The following ZNF254 variants were observed in gnomAD, a reference collection of about 807,000 sequenced individuals.
The protein encoded by ZNF254 is zinc finger protein 254, also known as CTD-2017D11.1.
Under a neutral mutation model 12.4 loss-of-function variants are expected in ZNF254, and 10 were observed. That is an observed-to-expected ratio of 0.80 (90% CI 0.50 to 1.36). The LOEUF (loss-of-function observed/expected upper bound fraction) is 1.36, where lower values mean the gene tolerates loss of function less well. ZNF254 is among the 40% of genes most tolerant of loss of function. The probability of loss-of-function intolerance (pLI) is 0.00; values close to 1 mark genes in which losing one functional copy is unlikely to be tolerated. For synonymous variants in ZNF254, 305 were observed against 253.4 expected, an observed-to-expected ratio of 1.20 and a Z score of -1.93; for missense variants, 996 against 763.9, an observed-to-expected ratio of 1.30 and a Z score of -3.58.
chr19:24,108,916 G>T (rs1002719607), intron 3 of ZNF254, among the ~76,000 whole-genome samples: 1 of 152,212 alleles, frequency 6.6e-6, no homozygotes, highest in Non-Finnish European at 1.5e-5. Flanking sequence ...TGCACTTTGG[G>T]AGGCTGAGGT....
chr19:24,122,245 G>T (rs1370181792), intron 3 of ZNF254, among the ~76,000 whole-genome samples: 1 of 150,798 alleles, frequency 6.6e-6, no homozygotes, highest in Non-Finnish European at 1.5e-5. Flanking sequence ...TCTTTTTTGA[G>T]GTGGAGTCTT....
At chr19:24,049,214 A>ATATATATATATATATT (rs1160333151) in intron 2 of ZNF254, among the ~76,000 whole-genome samples, 2 of 40,868 alleles carry the variant, frequency 4.9e-5, no homozygotes, top group Non-Finnish European at 8.2e-5. Flanking sequence ...ATATATATAT[A>ATATATATATATATATT]TTTTTTTTTT....
chr19:24,099,986 T>A (rs773696742), intron 1 of ZNF254, among the ~76,000 whole-genome samples: 5 of 152,222 alleles, frequency 3.3e-5, no homozygotes, highest in Admixed American at 6.5e-5. Flanking sequence ...CTTTCCCTCT[T>A]AGTCTTCCAG....
intron 2 of ZNF254, among the ~76,000 whole-genome samples, chr19:24,051,709 G>A (rs1373396062): frequency 6.6e-6 from 1 of 152,078 alleles, no homozygotes; most frequent in Admixed American, 6.6e-5. Context: ...TGCCCATAGG[G>A]GTATTATGAA....
chr19:24,103,403 C>T (rs185356559), intron 1 of ZNF254, among the ~76,000 whole-genome samples: 3 of 152,212 alleles, frequency 2.0e-5, no homozygotes, highest in Admixed American at 6.5e-5. Context: ...TTTTACAAAG[C>T]GATTCATAAG....
Position 24,126,475 on chromosome 19 carries a change from T to C in ZNF254, c.475T>C (p.Tyr159His). 1 of 1,588,012 alleles carries C rather than the reference T, an allele frequency of 6.3e-7. No homozygotes were observed. The highest frequency in any genetic ancestry group is 8.5e-7 in the Non-Finnish European group (1 of 1,171,698). ...AQSKVFQCDK[Y>H]LKVFYKFLNS... The stretch of plus-strand genomic sequence containing the variant: ...GAGCAAAGTATTTCAATGTGATAAA[T>C]ATTTGAAAGTCTTCTATAAATTTTT... The change falls in exon 4 of 4, where the codon TAT (tyrosine) becomes CAT (histidine). Residue 159 changes from tyrosine (Y) to histidine (H), a missense_variant. Tyr to His is a moderately conservative substitution (Grantham distance 83). Transcript: ENST00000357002.
upstream of ZNF254, among the ~76,000 whole-genome samples, chr19:24,084,413 G>A (rs1026215381): frequency 1.3e-5 from 2 of 151,906 alleles, no homozygotes; most frequent in African/African-American, 4.8e-5. Context: ...GGCAAGGGTA[G>A]GAGAAGAGTG....
intron 1 of ZNF254, among the ~76,000 whole-genome samples, chr19:24,102,211 T>A (rs1031142103): frequency 6.7e-6 from 1 of 148,364 alleles, no homozygotes; most frequent in Admixed American, 6.8e-5. Context: ...CCTGAACATA[T>A]ATTAATAAAC....
In ZNF254 at chr19:24,127,375, G is replaced by A; in HGVS notation, c.1375G>A (p.Glu459Lys). ...LTKHKRIHTR[E>K]KPYKCEECGK... ...TAAACATAAGAGAATTCATACTAGA[G>A]AGAAACCCTACAAATGTGAAGAATG... Residue 459 changes from glutamate (E) to lysine (K), a missense_variant, in exon 4 of 4, where the codon GAG becomes AAG. Physicochemically the swap from Glu to Lys is moderately conservative, Grantham distance 56. Coordinates refer to ENST00000357002, the MANE Select transcript of ZNF254 (RefSeq NM_203282.4). 6.2e-7 allele frequency: 1 copy of A among 1,611,956 alleles called. No homozygotes were observed.
chr19:24,086,358 T>A (rs991230380), upstream of ZNF254, among the ~76,000 whole-genome samples: 1 of 152,164 alleles, frequency 6.6e-6, no homozygotes, highest in Non-Finnish European at 1.5e-5. Flanking sequence ...CAGGCTAGGG[T>A]GCAGTGGCAG....
chr19:24,082,657 CAAAAA>C (rs745392053), upstream of ZNF254, among the ~76,000 whole-genome samples: 1 of 120,326 alleles, frequency 8.3e-6, no homozygotes, highest in Non-Finnish European at 1.8e-5. Flanking sequence ...CTCAAAAAAA[CAAAAA>C]AAAAAAACCC....
chr19:24,105,819 T>C (rs563585148), intron 1 of ZNF254, 121 bp from the exon 2 acceptor site: 21 of 1,428,478 alleles, frequency 1.5e-5, no homozygotes, highest in Non-Finnish European at 1.8e-5. Context: ...TTTTATTGGA[T>C]AATTTCAATC....
intron 2 of ZNF254, among the ~76,000 whole-genome samples, chr19:24,074,531 C>T (rs2145522389): frequency 6.6e-6 from 1 of 152,270 alleles, no homozygotes; most frequent in East Asian, 1.9e-4. Context: ...CTTCCCATGG[C>T]CATGCTTCCA....
intron 1 of ZNF254, chr19:24,105,441 C>A: frequency 3.8e-6 from 1 of 261,934 alleles, no homozygotes; most frequent in South Asian, 4.0e-5. Context: ...AAAACATTGG[C>A]ATTACTGGTG....
At chr19:24,107,989 C>T (rs1056445458) in intron 3 of ZNF254, among the ~76,000 whole-genome samples, 1 of 152,200 alleles carries the variant, frequency 6.6e-6, no homozygotes, top group Non-Finnish European at 1.5e-5. Context: ...TCCTTCAGGA[C>T]TTTGCTGTGC....
chr19:24,108,194 C>T (rs1190097102), intron 3 of ZNF254, among the ~76,000 whole-genome samples: 1 of 152,090 alleles, frequency 6.6e-6, no homozygotes, highest in Non-Finnish European at 1.5e-5. Context: ...GCTTCAGGGA[C>T]CACAGTAAAG....
At chr19:24,097,745 C>G (rs757252557) in intron 1 of ZNF254, among the ~76,000 whole-genome samples, 1 of 151,252 alleles carries the variant, frequency 6.6e-6, no homozygotes, top group Non-Finnish European at 1.5e-5. Flanking sequence ...CATGTCATTG[C>G]ACTCCACCCT....
chr19:24,064,568 C>G (rs1318162449), intron 2 of ZNF254: 1 of 152,124 alleles, frequency 6.6e-6, no homozygotes, highest in Non-Finnish European at 1.5e-5. Flanking sequence ...CTCCTTTTGC[C>G]CAGGCTGGAT....
intron 3 of ZNF254, among the ~76,000 whole-genome samples, chr19:24,112,603 G>C (rs1973758085): frequency 6.6e-6 from 1 of 150,924 alleles, no homozygotes; most frequent in African/African-American, 2.4e-5. Context: ...TCTTCCATTT[G>C]TTTGTATCCT....
Sources: allele counts gnomAD v4.1 joint callset (sites outside exome capture counted in the v4.1 genomes callset), GRCh38; gene constraint gnomAD v4.1.1; transcripts MANE v1.5; gene names NCBI Gene and HGNC (gene_info 2026-07-23, HGNC 2026-07-21).